The following GGTA1 variants were observed in gnomAD, a reference collection of about 807,000 sequenced individuals.
GGTA1 encodes inactive N-acetyllactosaminide alpha-1,3-galactosyltransferase.
Under a neutral mutation model 2.6 loss-of-function variants are expected in GGTA1, and 5 were observed. The observed-to-expected ratio is 1.92, with a 90% CI of 1.00 to 4.04. The LOEUF is 4.04. Ranked by LOEUF, GGTA1 falls within the 30% of genes most tolerant of loss-of-function variation. The probability of loss-of-function intolerance (pLI) is 0.00; values close to 1 mark genes in which losing one functional copy is unlikely to be tolerated. For missense variants in GGTA1, 50 were observed against 16.7 expected, an observed-to-expected ratio of 2.99 and a Z score of -3.47; for synonymous variants, 17 against 5.0, an observed-to-expected ratio of 3.38 and a Z score of -3.19.
chr9:121,480,845 G>A (rs1828628484), intron 1 of GGTA1, among the ~76,000 whole-genome samples: 1 of 152,076 alleles, frequency 6.6e-6, no homozygotes, highest in South Asian at 2.1e-4. Context: ...TGTTCACCAA[G>A]ACACAGGCAT....
In GGTA1 at chr9:121,479,370, G is replaced by C. The variant is rs1213180816; in HGVS notation, c.-9-11439C>G. Reference sequence around the variant, plus strand: ...AATAAACAGCTGTTTCAGGAGATGGGGAGTAGACAGAGCCCTCAGCAGCCA... The same window carrying C: ...AATAAACAGCTGTTTCAGGAGATGGCGAGTAGACAGAGCCCTCAGCAGCCA... On this transcript the variant is annotated intron_variant, in intron 1 of 5. Coordinates refer to ENST00000481799, the MANE Select transcript of GGTA1 (RefSeq NM_001382585.1). 1.2e-5 allele frequency: 4 copies of C among 340,098 alleles called. No homozygotes were observed. The Admixed American group carries it at 1.7e-4, about 14-fold the overall frequency. The allele number at this position is 340,098 out of a possible 1,614,324, so 21.1% of individuals were successfully genotyped here.
downstream of GGTA1, among the ~76,000 whole-genome samples, chr9:121,453,489 C>T (rs979722291): frequency 6.6e-5 from 10 of 152,364 alleles, no homozygotes; most frequent in Admixed American, 6.5e-4. Flanking sequence ...CTCTGACTCC[C>T]TATTGGCTCA....
At chr9:121,494,087 T>A (rs1393857227) in intron 1 of GGTA1, among the ~76,000 whole-genome samples, 2 of 152,050 alleles carry the variant, frequency 1.3e-5, no homozygotes, top group African/African-American at 4.8e-5. Context: ...AATCTCCTCC[T>A]CCATCTCAGA....
At chr9:121,473,658 G>A (rs1828441389) in intron 1 of GGTA1, among the ~76,000 whole-genome samples, 1 of 152,270 alleles carries the variant, frequency 6.6e-6, no homozygotes, top group South Asian at 2.1e-4. Flanking sequence ...AGGCACAGTA[G>A]CTCATGCTTG....
intron 1 of GGTA1, among the ~76,000 whole-genome samples, chr9:121,491,764 C>T (rs1035065183): frequency 6.6e-6 from 1 of 152,060 alleles, no homozygotes; most frequent in African/African-American, 2.4e-5. Context: ...CTCCCACCAC[C>T]AAGTCTAGCT....
chr9:121,460,264 T>C (rs1269631518), intron 4 of GGTA1, 45 bp from the exon 5 acceptor site: 1 of 456,768 alleles, frequency 2.2e-6, no homozygotes, highest in African/African-American at 2.0e-5. Context: ...GGGAAGGTGA[T>C]TGCGGTGGTC....
At chr9:121,458,455 C>T (rs986537912) in intron 5 of GGTA1, among the ~76,000 whole-genome samples, 1 of 151,174 alleles carries the variant, frequency 6.6e-6, no homozygotes, top group South Asian at 2.1e-4. Flanking sequence ...GGCAAGACCC[C>T]GTTTCTACAA....
At chr9:121,451,168 T>C (rs1383812850), downstream of GGTA1, among the ~76,000 whole-genome samples, 2 of 152,186 alleles carry the variant, frequency 1.3e-5, no homozygotes, top group Non-Finnish European at 2.9e-5. Context: ...CTTTAATAAC[T>C]AACATTAGAG....
intron 4 of GGTA1, 140 bp from the exon 5 acceptor site, chr9:121,460,359 G>A (rs1230800160): frequency 1.1e-5 from 4 of 373,420 alleles, no homozygotes; most frequent in Non-Finnish European, 2.1e-5. Context: ...AAGGCTCTAG[G>A]CACTAAGCGT....
In GGTA1 at chr9:121,465,001, C is replaced by CA. The variant is rs201891942; in HGVS notation, c.81-1674dup. On this transcript the variant is annotated intron_variant, in intron 2 of 5. Transcript: ENST00000481799. ...TTCGTAAAGTGGCAAAAAAACAAAA[C>CA]AAACAAAAAAAAAAAAACAAAAAAC... Among the ~76,000 whole-genome samples the CA allele has an allele frequency of 9.6e-3, 1,089 of 113,594 alleles. 26 individuals carry two copies. The highest frequency in any genetic ancestry group is 0.034 in the African/African-American group (1,024 of 30,444). The allele number at this position is 113,594 out of a possible 152,430, so 74.5% of individuals were successfully genotyped here.
chr9:121,465,008 A>C (rs1216412266), intron 2 of GGTA1, among the ~76,000 whole-genome samples: 12 of 151,800 alleles, frequency 7.9e-5, no homozygotes, highest in Non-Finnish European at 1.6e-4. Context: ...AAACAAACAA[A>C]AAAAAAAAAA....
intron 5 of GGTA1, among the ~76,000 whole-genome samples, chr9:121,459,843 T>C (rs1299945301): frequency 6.6e-6 from 1 of 152,248 alleles, no homozygotes; most frequent in African/African-American, 2.4e-5. Context: ...AATACAACCA[T>C]GTTGATTGAT....
At chr9:121,481,001 A>C (rs142137998) in intron 1 of GGTA1, among the ~76,000 whole-genome samples, 3,533 of 151,944 alleles carry the variant, frequency 0.023, 78 homozygotes, top group Non-Finnish European at 0.032. Context: ...AAAATACAGA[A>C]AATTAGCCAG....
chr9:121,489,995 T>C (rs551830157), intron 1 of GGTA1, among the ~76,000 whole-genome samples: 3 of 152,372 alleles, frequency 2.0e-5, no homozygotes, highest in South Asian at 4.1e-4. Flanking sequence ...CGTATTTGAT[T>C]ATTTTTGGTA....
At chr9:121,492,699 C>A (rs1466449156) in intron 1 of GGTA1, among the ~76,000 whole-genome samples, 2 of 151,846 alleles carry the variant, frequency 1.3e-5, no homozygotes, top group Non-Finnish European at 2.9e-5. Flanking sequence ...GTCTTGAACT[C>A]CCTACCTCAG....
At chr9:121,481,229 G>A (rs1828641570) in intron 1 of GGTA1, among the ~76,000 whole-genome samples, 6 of 151,172 alleles carry the variant, frequency 4.0e-5, no homozygotes, top group Admixed American at 2.6e-4. Context: ...ATCAGAACAG[G>A]TAAATTATCA....
downstream of GGTA1, chr9:121,452,183 T>C (rs1435681826): frequency 6.6e-6 from 1 of 152,656 alleles, no homozygotes; most frequent in Non-Finnish European, 1.5e-5. Flanking sequence ...GGTAATTTTC[T>C]GTTTGGCATA....
At chr9:121,492,505 C>T (rs1220869770) in intron 1 of GGTA1, among the ~76,000 whole-genome samples, 3 of 152,036 alleles carry the variant, frequency 2.0e-5, no homozygotes, top group Non-Finnish European at 4.4e-5. Flanking sequence ...CGGAGTTTCG[C>T]TCTTGTTACC....
intron 1 of GGTA1, among the ~76,000 whole-genome samples, chr9:121,492,796 G>A (rs1357120205): frequency 1.3e-5 from 2 of 151,934 alleles, no homozygotes; most frequent in African/African-American, 4.8e-5. Flanking sequence ...TTTAAAGCAG[G>A]CCCCCCTGAA....
Sources: allele counts gnomAD v4.1 joint callset (sites outside exome capture counted in the v4.1 genomes callset), GRCh38; gene constraint gnomAD v4.1.1; transcripts MANE v1.5; gene names NCBI Gene and HGNC (gene_info 2026-07-23, HGNC 2026-07-21).